EYS: variants seen among roughly 807,000 people sequenced by gnomAD.
EYS encodes the protein EGF-like photoreceptor maintenance factor.
Under a neutral mutation model 282.1 loss-of-function variants are expected in EYS, and 250 were observed. The observed-to-expected ratio is 0.89, with a 90% CI of 0.80 to 0.98. The LOEUF is 0.98. EYS is among the 50% of genes least tolerant of loss of function. The pLI is 0.00. For synonymous variants in EYS, 1,355 were observed against 1,282.9 expected (o/e 1.06, Z -1.20); for missense variants, 4,016 against 3,709.0 (o/e 1.08, Z -2.15).
chr6:65,118,980 A>G (rs1327094352), intron 12 of EYS, among the ~76,000 whole-genome samples: 1 of 152,076 alleles, frequency 6.6e-6, no homozygotes, highest in Admixed American at 6.5e-5. Context: ...TTTAAATTAA[A>G]TGTTAAATAT....
At chr6:63,956,832 C>T (rs1304842586) in intron 35 of EYS, among the ~76,000 whole-genome samples, 1 of 152,178 alleles carries the variant, frequency 6.6e-6, no homozygotes, top group African/African-American at 2.4e-5. Context: ...AATTTTCCCG[C>T]CCCTGGATAG....
At chr6:64,794,589 C>T (rs963025180) in intron 22 of EYS, among the ~76,000 whole-genome samples, 2 of 152,168 alleles carry the variant, frequency 1.3e-5, no homozygotes, top group African/African-American at 2.4e-5. Context: ...GCCAATTAAA[C>T]TTCTTGTCTT....
rs1442651832 is a variant in EYS, at chr6:63,806,339, G to C, written c.7262C>G (p.Thr2421Arg). The part of the protein sequence containing the change: ...INITQPRFSG[T>R]DAFGYTSFLA... ...GAATGAGGTGTATCCAAAGGCATCT[G>C]TGCCACTGAACCTTGGCTGAGTAAT... is the stretch of plus-strand genomic sequence containing the variant. The change falls in exon 37 of 43, where the codon ACA becomes AGA. Residue 2421 changes from threonine (T) to arginine (R), a missense_variant. Thr to Arg is a moderately conservative substitution (Grantham distance 71, BLOSUM62 -1). Transcript: ENST00000503581. 6.5e-7 allele frequency: 1 copy of C among 1,550,280 alleles called. No individual in the cohort carries two copies. The highest frequency in any genetic ancestry group is 8.7e-7 in the Non-Finnish European group (1 of 1,145,970).
chr6:65,344,281 C>T (rs138089542), intron 9 of EYS, 104 bp from the exon 10 acceptor site: 193 of 952,946 alleles, frequency 2.0e-4, no homozygotes, highest in Middle Eastern at 6.5e-4. Context: ...ATAAATTTGA[C>T]AACATCTGCC....
Position 64,439,249 on chromosome 6 carries a change from G to C in EYS, c.5748C>G (p.Ser1916=). 1 of 1,512,780 alleles carries C rather than the reference G, an allele frequency of 6.6e-7. No homozygotes were observed. The highest frequency in any genetic ancestry group is 8.8e-7 in the Non-Finnish European group (1 of 1,130,380). 93.7% of individuals were successfully genotyped at this position (1,512,780 alleles called of 1,614,324 possible). ...NISLEFQTFS[S]YGLLLYVKQD... ...GCTTGACATACAGCAGAAGTCCATA[G>C]GAGCTGAAGGTCTGAAATTCTAGGG... The change falls in exon 27 of 43, where the codon TCC becomes TCG. Residue 1916 remains serine, a synonymous_variant. Coordinates refer to ENST00000503581, the MANE Select transcript of EYS (RefSeq NM_001142800.2).
chr6:64,212,719 A>G (rs1423107215), intron 31 of EYS, among the ~76,000 whole-genome samples: 2 of 152,140 alleles, frequency 1.3e-5, no homozygotes, highest in East Asian at 1.9e-4. Context: ...TCAAAGACCT[A>G]AAGACAGAAA....
chr6:64,622,319 G>A (rs1250080322), intron 23 of EYS, among the ~76,000 whole-genome samples: 3 of 152,066 alleles, frequency 2.0e-5, no homozygotes, highest in Non-Finnish European at 4.4e-5. Context: ...CATCATAAAT[G>A]AATTGTACTT....
intron 15 of EYS, among the ~76,000 whole-genome samples, chr6:64,938,965 C>T (rs1769002617): frequency 6.6e-6 from 1 of 151,456 alleles, no homozygotes; most frequent in African/African-American, 2.4e-5. Context: ...GAATTGTACA[C>T]CTAAAAAGGT....
intron 2 of EYS, among the ~76,000 whole-genome samples, chr6:65,497,507 A>C (rs1766296537): frequency 6.6e-6 from 1 of 151,998 alleles, no homozygotes; most frequent in Non-Finnish European, 1.5e-5. Context: ...AGAGAAGTGG[A>C]GCTTTCTCAT....
intron 12 of EYS, among the ~76,000 whole-genome samples, chr6:65,264,884 G>C (rs1338955701): frequency 1.3e-5 from 2 of 151,414 alleles, no homozygotes; most frequent in Non-Finnish European, 2.9e-5. Flanking sequence ...TATCTGTGTA[G>C]ATATATCTTA....
At chr6:65,686,648 A>C (rs1246587017) in intron 1 of EYS, among the ~76,000 whole-genome samples, 1 of 152,156 alleles carries the variant, frequency 6.6e-6, no homozygotes, top group Admixed American at 6.6e-5. Flanking sequence ...ATGAACTTTT[A>C]AAATATCACT....
chr6:63,963,328 C>T lies in EYS; in HGVS notation c.7055+21055G>A, dbSNP rs1766164521. ...ATAAAACCCAATCATGTAACAAAGTCATATGAACTCTTTAACTTTATAAAA... is the reference window on the plus strand; with the variant it reads ...ATAAAACCCAATCATGTAACAAAGTTATATGAACTCTTTAACTTTATAAAA... On this transcript the variant is annotated intron_variant, in intron 35 of 42. Coordinates refer to ENST00000503581, the MANE Select transcript of EYS (RefSeq NM_001142800.2). Among the ~76,000 whole-genome samples, 3 of 151,658 alleles carry T rather than the reference C, an allele frequency of 2.0e-5. No homozygotes were observed. In the Middle Eastern group the frequency reaches 0.01, roughly 516 times the overall value.
At chr6:63,778,887 C>G (rs1319331841) in intron 39 of EYS, among the ~76,000 whole-genome samples, 3 of 151,964 alleles carry the variant, frequency 2.0e-5, no homozygotes, top group Non-Finnish European at 4.4e-5. Context: ...TACTATTTTA[C>G]CGTTTTTGGT....
chr6:65,003,052 A>G (rs1041083551), intron 13 of EYS, among the ~76,000 whole-genome samples: 2 of 147,798 alleles, frequency 1.4e-5, no homozygotes, highest in African/African-American at 4.9e-5. Flanking sequence ...GGGCACCTTG[A>G]AAAAAGAACA....
Position 64,591,891 on chromosome 6 carries a change from C to A in EYS, c.3976G>T (p.Glu1326Ter), listed in dbSNP as rs1233527252. ...GAAAGCTCTCTAGTGACAATCAGTT[C>A]TTGGAGTAAGTAGCTTTCCAAGGGT... Reference protein sequence around the residue: ...STPLESYLLQELIVTRELSAK... With the variant: ...STPLESYLLQ The change falls in exon 26 of 43, where the codon GAA (glutamate) becomes TAA (stop). Residue 1326 changes from glutamate to a stop codon, truncating the protein, a stop_gained. Coordinates refer to ENST00000503581, the MANE Select transcript of EYS (RefSeq NM_001142800.2). LOFTEE classifies it high-confidence loss of function. The A allele has an allele frequency of 6.4e-7, 1 of 1,550,906 alleles. No individual in the cohort carries two copies. The highest frequency in any genetic ancestry group is 8.7e-7 in the Non-Finnish European group (1 of 1,146,456).
At chr6:65,306,123 A>G (rs1582124146) in intron 11 of EYS, among the ~76,000 whole-genome samples, 1 of 152,298 alleles carries the variant, frequency 6.6e-6, no homozygotes, top group East Asian at 1.9e-4. Flanking sequence ...AATCAGGAGG[A>G]AGAGGAAGGA....
chr6:64,380,685 A>G (rs138170529), intron 29 of EYS, among the ~76,000 whole-genome samples: 61 of 152,290 alleles, frequency 4.0e-4, no homozygotes, highest in African/African-American at 1.3e-3. Flanking sequence ...TACACCAAAT[A>G]ATTTTAGCAC....
At chr6:65,087,111 G>A (rs965836462) in intron 12 of EYS, among the ~76,000 whole-genome samples, 21 of 152,100 alleles carry the variant, frequency 1.4e-4, no homozygotes, top group Admixed American at 1.2e-3. Flanking sequence ...ATGAGCCACC[G>A]TACCCAGCCA....
intron 15 of EYS, among the ~76,000 whole-genome samples, chr6:64,916,066 A>G (rs551539098): frequency 1.2e-4 from 19 of 152,164 alleles, no homozygotes; most frequent in Non-Finnish European, 2.8e-4. Flanking sequence ...AAATATAACT[A>G]TTCAGTCATA....
Sources: allele counts gnomAD v4.1 joint callset (sites outside exome capture counted in the v4.1 genomes callset), GRCh38; gene constraint gnomAD v4.1.1; transcripts MANE v1.5; gene names NCBI Gene and HGNC (gene_info 2026-07-23, HGNC 2026-07-21).